EBF1: variants seen among roughly 807,000 people sequenced by gnomAD.
The protein encoded by EBF1 is transcription factor COE1.
In EBF1, 10 loss-of-function variants were observed where a neutral mutation model predicts 68.4. The ratio of observed to expected loss-of-function variants is 0.15; its 90% CI spans 0.09 to 0.25. The LOEUF is 0.25. Among genes scored for constraint, EBF1 ranks in the 10% least tolerant of loss-of-function variants. The probability of loss-of-function intolerance (pLI) is 1.00; values close to 1 mark genes in which losing one functional copy is unlikely to be tolerated. For synonymous variants in EBF1, 298 were observed against 299.8 expected, an observed-to-expected ratio of 0.99 and a Z score of 0.06; for missense variants, 509 against 794.4, an observed-to-expected ratio of 0.64 and a Z score of 4.32.
chr5:159,046,803 G>A, intron 6 of EBF1, among the ~76,000 whole-genome samples: 1 of 152,180 alleles, frequency 6.6e-6, no homozygotes, highest in South Asian at 2.1e-4. Flanking sequence ...GGTGGAGGGA[G>A]CCCGGCTCTG....
At chr5:158,839,894 T>C (rs1789783556) in intron 7 of EBF1, 135 bp downstream of exon 7, 1 of 755,744 alleles carries the variant, frequency 1.3e-6, no homozygotes, top group Non-Finnish European at 2.3e-6. Context: ...AGATTGCAGA[T>C]ACCTGGGGGA....
intron 6 of EBF1, among the ~76,000 whole-genome samples, chr5:158,857,607 T>C (rs1046553154): frequency 8.5e-5 from 13 of 152,084 alleles, no homozygotes; most frequent in South Asian, 4.1e-4. Context: ...AAAAAGTAAG[T>C]GTAAGTGCTT....
chr5:159,067,728 C>A (rs1777093236), intron 6 of EBF1, among the ~76,000 whole-genome samples: 1 of 152,118 alleles, frequency 6.6e-6, no homozygotes, highest in Non-Finnish European at 1.5e-5. Flanking sequence ...TACTCATTCA[C>A]ATAAGTCTCA....
chr5:158,872,201 C>CTT (rs70987939), intron 6 of EBF1, among the ~76,000 whole-genome samples: 20 of 145,126 alleles, frequency 1.4e-4, no homozygotes, highest in African/African-American at 4.3e-4. Flanking sequence ...CTTTTCTTTT[C>CTT]TTTTTTTTTT....
At chr5:158,861,251 A>G (rs1322131300) in intron 6 of EBF1, among the ~76,000 whole-genome samples, 1 of 152,240 alleles carries the variant, frequency 6.6e-6, no homozygotes, top group African/African-American at 2.4e-5. Context: ...AATGGCGTCT[A>G]TCAAATGCGG....
intron 3 of EBF1, chr5:159,096,107 G>C (rs1782558042): frequency 1.7e-6 from 1 of 580,140 alleles, no homozygotes; most frequent in African/African-American, 1.9e-5. Flanking sequence ...GTGGCTCAGG[G>C]AGGGATGAGG....
At chr5:158,774,820 T>C (rs1185258012) in intron 10 of EBF1, among the ~76,000 whole-genome samples, 1 of 152,122 alleles carries the variant, frequency 6.6e-6, no homozygotes, top group Non-Finnish European at 1.5e-5. Context: ...GGTCCATGTG[T>C]AGGTCACCAA....
intron 10 of EBF1, among the ~76,000 whole-genome samples, chr5:158,774,188 G>T (rs147727057): frequency 1.3e-5 from 2 of 151,986 alleles, no homozygotes; most frequent in Non-Finnish European, 1.5e-5. Flanking sequence ...TGGATTCCTC[G>T]TGCGTCTCTG....
chr5:158,707,312 G>T (rs1469096953), intron 15 of EBF1, among the ~76,000 whole-genome samples: 3 of 152,294 alleles, frequency 2.0e-5, no homozygotes, highest in Middle Eastern at 3.4e-3. Context: ...TAATGAAAAG[G>T]TCATCTCAAC....
At chr5:159,045,684 G>T (rs1772234096) in intron 6 of EBF1, among the ~76,000 whole-genome samples, 1 of 152,074 alleles carries the variant, frequency 6.6e-6, no homozygotes. Flanking sequence ...TGACACTCAG[G>T]GACAATGAAG....
intron 6 of EBF1, among the ~76,000 whole-genome samples, chr5:158,853,808 A>G (rs2128005697): frequency 6.6e-6 from 1 of 152,308 alleles, no homozygotes; most frequent in Non-Finnish European, 1.5e-5. Context: ...TTTTTATTTC[A>G]CATACAGAAT....
intron 6 of EBF1, among the ~76,000 whole-genome samples, chr5:158,989,954 A>G (rs973105975): frequency 2.0e-5 from 3 of 152,228 alleles, no homozygotes; most frequent in African/African-American, 7.2e-5. Context: ...CATGGAAAAG[A>G]CAACGAGAAT....
intron 6 of EBF1, among the ~76,000 whole-genome samples, chr5:158,995,294 T>C (rs1761166913): frequency 6.6e-6 from 1 of 152,228 alleles, no homozygotes; most frequent in Non-Finnish European, 1.5e-5. Context: ...TGGTGGTGTC[T>C]TCATGATACA....
At chr5:158,952,158 T>G (rs1298406238) in intron 6 of EBF1, among the ~76,000 whole-genome samples, 1 of 152,248 alleles carries the variant, frequency 6.6e-6, no homozygotes, top group East Asian at 1.9e-4. Context: ...CCGATTAAAC[T>G]ATCACATTTC....
intron 10 of EBF1, among the ~76,000 whole-genome samples, chr5:158,736,318 G>T (rs1192045660): frequency 1.3e-5 from 2 of 152,216 alleles, no homozygotes; most frequent in African/African-American, 2.4e-5. Context: ...AGGCTGCAGA[G>T]TTCTGTTCAG....
At chr5:158,838,309 G>A (rs1178607309) in intron 7 of EBF1, among the ~76,000 whole-genome samples, 1 of 151,996 alleles carries the variant, frequency 6.6e-6, no homozygotes, top group African/African-American at 2.4e-5. Context: ...AGCCGGGCAT[G>A]GTGGTGGGTG....
At chr5:158,888,895 C>G (rs1800582973) in intron 6 of EBF1, among the ~76,000 whole-genome samples, 1 of 152,112 alleles carries the variant, frequency 6.6e-6, no homozygotes, top group Non-Finnish European at 1.5e-5. Context: ...TCTTCCCTGT[C>G]ATAGATGTGT....
chr5:158,891,382 C>T (rs1337238231), intron 6 of EBF1, among the ~76,000 whole-genome samples: 2 of 152,098 alleles, frequency 1.3e-5, no homozygotes, highest in African/African-American at 4.8e-5. Flanking sequence ...GTAACAAAAT[C>T]CTCTTCCCTT....
At chr5:158,862,402 A>G (rs938630886) in intron 6 of EBF1, among the ~76,000 whole-genome samples, 11 of 152,196 alleles carry the variant, frequency 7.2e-5, no homozygotes, top group Admixed American at 5.2e-4. Flanking sequence ...CAAGCAGCAC[A>G]TATTGCATAT....
Sources: allele counts gnomAD v4.1 joint callset (sites outside exome capture counted in the v4.1 genomes callset), GRCh38; gene constraint gnomAD v4.1.1; transcripts MANE v1.5; gene names NCBI Gene and HGNC (gene_info 2026-07-23, HGNC 2026-07-21).